SH3BGR: variants seen among roughly 807,000 people sequenced by gnomAD.
SH3BGR encodes the protein SH3 domain binding glutamate rich protein, also known as SH3 domain-binding glutamic acid-rich protein.
A neutral mutation model predicts 24.5 loss-of-function variants in SH3BGR; 29 were observed. The observed-to-expected ratio is 1.18, with a 90% CI of 0.88 to 1.61. The LOEUF (loss-of-function observed/expected upper bound fraction) is 1.61, where lower values mean the gene tolerates loss of function less well. Ranked by LOEUF, SH3BGR falls within the 40% of genes most tolerant of loss-of-function variation. The pLI is 0.00. For missense variants in SH3BGR, 162 were observed against 205.8 expected, an observed-to-expected ratio of 0.79 and a Z score of 1.30; for synonymous variants, 55 against 65.7, an observed-to-expected ratio of 0.84 and a Z score of 0.79.
intron 1 of SH3BGR, among the ~76,000 whole-genome samples, chr21:39,456,611 G>A (rs1431630623): frequency 6.8e-6 from 1 of 146,826 alleles, no homozygotes; most frequent in Non-Finnish European, 1.5e-5. Context: ...GATTCCATGC[G>A]GGGTAGCAGA....
At chr21:39,452,749 A>G (rs937457134) in intron 1 of SH3BGR, among the ~76,000 whole-genome samples, 1 of 152,218 alleles carries the variant, frequency 6.6e-6, no homozygotes, top group African/African-American at 2.4e-5. Flanking sequence ...GCCGACCTTC[A>G]TAACCAGTGC....
chr21:39,513,109 T>C lies in SH3BGR; in HGVS notation c.*34+1300T>C, dbSNP rs181677096. Among the ~76,000 whole-genome samples the C allele has an allele frequency of 4.1e-4, 63 of 152,354 alleles. No individual in the cohort carries two copies. In the East Asian group the frequency reaches 0.012, roughly 28 times the overall value. On this transcript the variant is annotated intron_variant, in intron 6 of 6. Transcript: ENST00000333634. Reference sequence around the variant, plus strand: ...ACTCTCAGGAGATAATGATGGAATATGCACTCATTATTCTCTAAATGAGAG... The same window carrying C: ...ACTCTCAGGAGATAATGATGGAATACGCACTCATTATTCTCTAAATGAGAG...
At chr21:39,462,911 G>A (rs2077778186) in intron 2 of SH3BGR, among the ~76,000 whole-genome samples, 4 of 152,316 alleles carry the variant, frequency 2.6e-5, no homozygotes, top group African/African-American at 7.2e-5. Flanking sequence ...AACATGGTAA[G>A]TTTTCTCTGT....
intron 3 of SH3BGR, among the ~76,000 whole-genome samples, chr21:39,486,957 A>G (rs1041493539): frequency 6.6e-6 from 1 of 152,156 alleles, no homozygotes; most frequent in African/African-American, 2.4e-5. Context: ...ACCTCAGATA[A>G]TCTGCCTGCC....
At chr21:39,514,114 A>G (rs1439215498) in intron 6 of SH3BGR, among the ~76,000 whole-genome samples, 6 of 152,322 alleles carry the variant, frequency 3.9e-5, no homozygotes, top group Non-Finnish European at 8.8e-5. Flanking sequence ...TAAACCAGGC[A>G]GCACCCTAAA....
At chr21:39,455,522 G>A (rs1366666433) in intron 1 of SH3BGR, among the ~76,000 whole-genome samples, 1 of 152,232 alleles carries the variant, frequency 6.6e-6, no homozygotes, top group Admixed American at 6.5e-5. Context: ...TCTTCCAAGA[G>A]CTGATACTGT....
chr21:39,502,354 C>T (rs565821540), intron 4 of SH3BGR, among the ~76,000 whole-genome samples: 8 of 152,244 alleles, frequency 5.3e-5, no homozygotes, highest in South Asian at 2.1e-4. Context: ...AGGTATGACA[C>T]CTCAGATAAA....
rs193185571 is a variant in SH3BGR, at chr21:39,465,839, A to G, written c.231+3279A>G. Among the ~76,000 whole-genome samples the G allele has an allele frequency of 9.9e-5, 15 of 152,258 alleles. No homozygotes were observed. The East Asian group carries it at 2.7e-3, about 27-fold the overall frequency. ...ACTCCTGGCTTCAAGTGATGCACCC[A>G]TCTTGCCTCCCGTAGTGTTGGGATT... is the stretch of plus-strand genomic sequence containing the variant. On this transcript the variant is annotated intron_variant, in intron 2 of 6. Transcript: ENST00000333634.
rs372724148 is a variant in SH3BGR, at chr21:39,484,686, A to C, written c.312+9471A>C. Among the ~76,000 whole-genome samples the C allele has an allele frequency of 8.5e-5, 13 of 152,322 alleles. 1 individual carries two copies. The highest frequency in any genetic ancestry group is 3.1e-4 in the African/African-American group (13 of 41,564). On this transcript the variant is annotated intron_variant, in intron 3 of 6. Transcript: ENST00000333634. ...CCAGTCCAGATTCTTCTCTTCTGAG[A>C]GAAGCAACATGAAGCCCAAGGAGCT... is the stretch of plus-strand genomic sequence containing the variant.
At chr21:39,479,198 TGTGGTGGTGGTGGTGGAGGTGGTAAGG>T (rs2078077319) in intron 3 of SH3BGR, among the ~76,000 whole-genome samples, 1 of 147,998 alleles carries the variant, frequency 6.8e-6, no homozygotes, top group African/African-American at 2.6e-5. Context: ...AACGAGGCTA[TGTGGTGGTGGTGGTGGAGGTGGTAAGG>T]GTGGTGGTGG....
chr21:39,451,534 A>C (rs535221417), upstream of SH3BGR, among the ~76,000 whole-genome samples: 97 of 152,286 alleles, frequency 6.4e-4, 3 homozygotes, highest in South Asian at 0.015. Flanking sequence ...AGGAAAAAAA[A>C]CAAAGTTGCT....
chr21:39,494,758 A>C (rs1419657481), intron 3 of SH3BGR, among the ~76,000 whole-genome samples: 1 of 151,856 alleles, frequency 6.6e-6, no homozygotes, highest in Non-Finnish European at 1.5e-5. Flanking sequence ...AAATTTAGAA[A>C]ATTTTCAACC....
chr21:39,451,469 T>C (rs2077573033), upstream of SH3BGR, among the ~76,000 whole-genome samples: 3 of 152,208 alleles, frequency 2.0e-5, no homozygotes, highest in Admixed American at 6.5e-5. Flanking sequence ...ACAGCCACTC[T>C]TAAAGGCATT....
At chr21:39,506,089 C>A (rs78419710) in intron 4 of SH3BGR, among the ~76,000 whole-genome samples, 12,854 of 152,184 alleles carry the variant, frequency 0.084, 787 homozygotes, top group African/African-American at 0.17. Context: ...TCACTAACAC[C>A]TATTTATCGA....
In SH3BGR at chr21:39,462,355, A is replaced by G. The variant is rs752285970; in HGVS notation, c.46-20A>G. On this transcript the variant is annotated intron_variant, in intron 1 of 6. Coordinates refer to ENST00000333634, the MANE Select transcript of SH3BGR (RefSeq NM_007341.3). ...AAATATTTTTCATAAACAGCCTAAT[A>G]TTTCTCTACTCTTGACCAGATTAGG... 6.4e-7 allele frequency: 1 copy of G among 1,573,180 alleles called. No homozygotes were observed. Among genetic ancestry groups the G allele is most frequent in the South Asian group, 1.2e-5 (1 of 84,280 alleles).
rs1054627894 is a variant in SH3BGR, at chr21:39,511,014, A to C, written c.436-666A>C. On this transcript the variant is annotated intron_variant, in intron 5 of 6. Transcript: ENST00000333634. The surrounding 1 kb of genome is among the most constrained non-coding windows in gnomAD (Gnocchi z 4.2). ...TAATATGAGTGGAGACTGTACACTTAGGTGGGATTATAAAACCTGTTAGGA... is the reference window on the plus strand; with the variant it reads ...TAATATGAGTGGAGACTGTACACTTCGGTGGGATTATAAAACCTGTTAGGA... Among the ~76,000 whole-genome samples the C allele has an allele frequency of 6.7e-6, 1 of 149,344 alleles. No individual in the cohort carries two copies. The highest frequency in any genetic ancestry group is 6.7e-5 in the Admixed American group (1 of 14,840).
At chr21:39,501,519 G>A (rs1350295616) in intron 4 of SH3BGR, among the ~76,000 whole-genome samples, 1 of 152,154 alleles carries the variant, frequency 6.6e-6, no homozygotes, top group Non-Finnish European at 1.5e-5. Flanking sequence ...ATGACCGTAA[G>A]TGAAAAATAT....
upstream of SH3BGR, among the ~76,000 whole-genome samples, chr21:39,450,355 A>C (rs2077559097): frequency 6.6e-6 from 1 of 152,224 alleles, no homozygotes; most frequent in African/African-American, 2.4e-5. Context: ...AAATGTTGGT[A>C]GTCACCTCAA....
At chr21:39,449,259 G>A (rs1165054626), upstream of SH3BGR, among the ~76,000 whole-genome samples, 1 of 152,136 alleles carries the variant, frequency 6.6e-6, no homozygotes, top group Non-Finnish European at 1.5e-5. Context: ...CCTCCCTTCT[G>A]CAGCATGTGC....
Sources: allele counts gnomAD v4.1 joint callset (sites outside exome capture counted in the v4.1 genomes callset), GRCh38; gene constraint gnomAD v4.1.1; non-coding constraint Gnocchi (gnomAD v3.1); transcripts MANE v1.5; gene names NCBI Gene and HGNC (gene_info 2026-07-23, HGNC 2026-07-21).